Variants in BDKRB1 observed in about 807,000 individuals in gnomAD.
The protein encoded by BDKRB1 is bradykinin receptor B1.
For missense variants in BDKRB1, 414 were observed against 441.4 expected, an observed-to-expected ratio of 0.94 and a Z score of 0.56; for synonymous variants, 192 against 189.1, an observed-to-expected ratio of 1.02 and a Z score of -0.13.
intron 1 of BDKRB1, 133 bp downstream of exon 1, chr14:96,256,433 C>T (rs540045828): frequency 6.6e-6 from 1 of 152,234 alleles, no homozygotes; most frequent in East Asian, 1.9e-4. Flanking sequence ...TGTGAGGGTA[C>T]TTTTTAAAAA....
chr14:96,256,640 G>A (rs1328668584), intron 1 of BDKRB1, among the ~76,000 whole-genome samples: 1 of 152,186 alleles, frequency 6.6e-6, no homozygotes, highest in Non-Finnish European at 1.5e-5. Flanking sequence ...GTTACAGCCT[G>A]CAAATTCTGA....
At chr14:96,257,997 GAGGGAATGA>G (rs1885658761) in intron 1 of BDKRB1, among the ~76,000 whole-genome samples, 4 of 151,232 alleles carry the variant, frequency 2.6e-5, no homozygotes, top group Admixed American at 6.6e-5. Context: ...AGGAGAGAAG[GAGGGAATGA>G]AGGGAAGGAA....
intron 1 of BDKRB1, among the ~76,000 whole-genome samples, chr14:96,261,402 C>A (rs1885745212): frequency 6.6e-6 from 1 of 152,202 alleles, no homozygotes; most frequent in African/African-American, 2.4e-5. Context: ...CTGGAGGAAC[C>A]AGTGAATTAT....
At position 96,264,383 on chromosome 14, in the gene BDKRB1, A is replaced by T; in HGVS notation, c.701A>T (p.Glu234Val). ...HILASLRTRE[E>V]VSRTRCGGRK... ...CTGGCCTCCCTGCGAACGCGGGAGG[A>T]GGTCAGCAGGACAAGGTGCGGGGGC... Residue 234 changes from glutamate to valine, a missense_variant, in exon 3 of 3, where the codon GAG (glutamate) becomes GTG (valine). Transcript: ENST00000216629. 3 of 1,614,172 alleles carry T rather than the reference A, an allele frequency of 1.9e-6. No homozygotes were observed. The highest frequency in any genetic ancestry group is 2.5e-6 in the Non-Finnish European group (3 of 1,180,030).
At position 96,263,834 on chromosome 14, in the gene BDKRB1, G is replaced by A. The variant is rs1885816276; in HGVS notation, c.152G>A (p.Gly51Asp). The A allele has an allele frequency of 6.2e-7, 1 of 1,613,842 alleles. No homozygotes were observed. Among genetic ancestry groups the A allele is most frequent in the Admixed American group, 1.7e-5 (1 of 59,990 alleles). Residue 51 changes from glycine (G) to aspartate (D), a missense_variant, in exon 3 of 3, where the codon GGC becomes GAC. Transcript: ENST00000216629. ...TTTATCATCTCCATCTGTTTCTTCG[G>A]CCTCCTAGGGAACCTTTTTGTCCTG... Reference protein sequence around the residue: ...PTFIISICFFGLLGNLFVLLV... With the variant: ...PTFIISICFFDLLGNLFVLLV...
Position 96,264,279 on chromosome 14 carries a change from C to G in BDKRB1, c.597C>G (p.His199Gln). 6.2e-7 allele frequency: 1 copy of G among 1,614,214 alleles called. No homozygotes were observed. Among genetic ancestry groups the G allele is most frequent in the African/African-American group, 1.3e-5 (1 of 75,044 alleles). Residue 199 changes from histidine (H) to glutamine (Q), a missense_variant, in exon 3 of 3, where the codon CAC (histidine) becomes CAG (glutamine). His to Gln is a conservative substitution (Grantham distance 24). Coordinates refer to ENST00000216629, the MANE Select transcript of BDKRB1 (RefSeq NM_000710.4). ...CILLLPHEAW[H>Q]FARIVELNIL... ...TGCTCCTCCCCCATGAGGCCTGGCA[C>G]TTTGCAAGGATTGTGGAGTTAAATA... is the stretch of plus-strand genomic sequence containing the variant.
At position 96,263,677 on chromosome 14, in the gene BDKRB1, CTG is replaced by C. The variant is rs769960015; in HGVS notation, c.-3_-2del. The C allele has an allele frequency of 2.5e-6, 4 of 1,607,536 alleles. No homozygotes were observed. The highest frequency in any genetic ancestry group is 3.4e-6 in the Non-Finnish European group (4 of 1,177,508). On this transcript the variant is annotated 5_prime_UTR_variant, in exon 3 of 3. Coordinates refer to ENST00000216629, the MANE Select transcript of BDKRB1 (RefSeq NM_000710.4). ...TCTACCTTCTGTTCATTTCAGGTCA[CTG>C]TGCATGGCATCATCCTGGCCCCCTC...
intron 1 of BDKRB1, among the ~76,000 whole-genome samples, chr14:96,256,566 T>C (rs1457365373): frequency 6.6e-6 from 1 of 152,208 alleles, no homozygotes; most frequent in African/African-American, 2.4e-5. Context: ...TAGCTCCTTA[T>C]ATCAAAGTCA....
rs141183305 is a variant in BDKRB1 at position 96,264,118 on chromosome 14, C to A, written c.436C>A (p.Arg146=). The change falls in exon 3 of 3, where the codon CGG becomes AGG. Residue 146 remains arginine, a synonymous_variant. Transcript: ENST00000216629. ...YRVLVHPMAS[R]RQQRRRQARV... is the part of the protein sequence containing the mutation. ...CGTGCTGGTGCACCCTATGGCCAGCCGGAGGCAGCAGCGGCGGAGGCAGGC... is the reference window on the plus strand; with the variant it reads ...CGTGCTGGTGCACCCTATGGCCAGCAGGAGGCAGCAGCGGCGGAGGCAGGC... The A allele has an allele frequency of 3.8e-6, 6 of 1,595,776 alleles. No individual in the cohort carries two copies. The highest frequency in any genetic ancestry group is 1.7e-5 in the Admixed American group (1 of 58,952).
chr14:96,262,987 A>T (rs1418052184), intron 2 of BDKRB1, among the ~76,000 whole-genome samples: 2 of 151,920 alleles, frequency 1.3e-5, no homozygotes, highest in Non-Finnish European at 2.9e-5. Context: ...CACCCCGGCC[A>T]CCACACTGGT....
At chr14:96,263,230 C>T (rs1371764424) in intron 2 of BDKRB1, among the ~76,000 whole-genome samples, 1 of 152,150 alleles carries the variant, frequency 6.6e-6, no homozygotes, top group Non-Finnish European at 1.5e-5. Context: ...TAATCACTAC[C>T]TTCCAAAGTC....
intron 1 of BDKRB1, among the ~76,000 whole-genome samples, chr14:96,260,928 G>A (rs1037251540): frequency 1.3e-5 from 2 of 152,052 alleles, no homozygotes; most frequent in African/African-American, 2.4e-5. Flanking sequence ...CCCATGTGAT[G>A]TCCAATTTAT....
intron 1 of BDKRB1, among the ~76,000 whole-genome samples, chr14:96,257,034 T>C (rs1885632087): frequency 6.6e-6 from 1 of 152,248 alleles, no homozygotes; most frequent in Non-Finnish European, 1.5e-5. Context: ...GCACCTACTA[T>C]GTTCCAGGCA....
chr14:96,261,281 A>C (rs1035881017), intron 1 of BDKRB1, among the ~76,000 whole-genome samples: 6 of 152,236 alleles, frequency 3.9e-5, no homozygotes, highest in African/African-American at 1.4e-4. Context: ...TTATACGCAC[A>C]CTGAGAGCAG....
chr14:96,264,244 G>C lies in BDKRB1; in HGVS notation c.562G>C (p.Ala188Pro), dbSNP rs375483074. 6.2e-7 allele frequency: 1 copy of C among 1,614,108 alleles called. No individual in the cohort carries two copies. Among genetic ancestry groups the C allele is most frequent in the Non-Finnish European group, 8.5e-7 (1 of 1,180,012 alleles). ...IQAVPDLNITACILLLPHEAW... is the reference protein window; with the variant it reads ...IQAVPDLNITPCILLLPHEAW... The stretch of plus-strand genomic sequence containing the variant: ...AGCCGTCCCAGATCTGAACATCACC[G>C]CCTGCATCCTGCTCCTCCCCCATGA... Residue 188 changes from alanine (A) to proline (P), a missense_variant, in exon 3 of 3, where the codon GCC becomes CCC. Transcript: ENST00000216629.
chr14:96,264,631 C>T lies in BDKRB1; in HGVS notation c.949C>T (p.Arg317Trp), dbSNP rs184307206. The T allele has an allele frequency of 1.1e-4, 176 of 1,614,138 alleles. No homozygotes were observed. Among genetic ancestry groups the T allele is most frequent in the Admixed American group, 9.5e-4 (57 of 60,028 alleles). The change falls in exon 3 of 3, where the codon CGG becomes TGG. Residue 317 changes from arginine to tryptophan, a missense_variant. Transcript: ENST00000216629. ...LNPVIYVFVG[R>W]LFRTKVWELY... ...TCCAGTAATTTATGTCTTTGTGGGC[C>T]GGCTCTTCAGGACCAAGGTCTGGGA...
chr14:96,260,694 G>T (rs534351773), intron 1 of BDKRB1, among the ~76,000 whole-genome samples: 23 of 152,088 alleles, frequency 1.5e-4, no homozygotes, highest in Non-Finnish European at 2.4e-4. Flanking sequence ...ATGTGCCATG[G>T]ACATTTCACA....
chr14:96,264,224 T>A lies in BDKRB1; in HGVS notation c.542T>A (p.Val181Asp). 1 of 1,614,094 alleles carries A rather than the reference T, an allele frequency of 6.2e-7. No individual in the cohort carries two copies. The highest frequency in any genetic ancestry group is 8.5e-7 in the Non-Finnish European group (1 of 1,179,988). ...TTCCTGCTGCGATCCATCCAAGCCG[T>A]CCCAGATCTGAACATCACCGCCTGC... ...PTFLLRSIQA[V>D]PDLNITACIL... The change falls in exon 3 of 3, where the codon GTC (valine) becomes GAC (aspartate). Residue 181 changes from valine to aspartate, a missense_variant. Coordinates refer to ENST00000216629, the MANE Select transcript of BDKRB1 (RefSeq NM_000710.4).
At chr14:96,258,058 T>C (rs1215741518) in intron 1 of BDKRB1, among the ~76,000 whole-genome samples, 1 of 152,144 alleles carries the variant, frequency 6.6e-6, no homozygotes, top group East Asian at 1.9e-4. Flanking sequence ...TTATATTATA[T>C]TGATGGTGTT....
Sources: allele counts gnomAD v4.1 joint callset (sites outside exome capture counted in the v4.1 genomes callset), GRCh38; gene constraint gnomAD v4.1.1; transcripts MANE v1.5; gene names NCBI Gene and HGNC (gene_info 2026-07-23, HGNC 2026-07-21).